SCN10A: variants seen among roughly 807,000 people sequenced by gnomAD.
SCN10A encodes sodium voltage-gated channel alpha subunit 10, also known as sodium channel protein type 10 subunit alpha.
A neutral mutation model predicts 170.7 loss-of-function variants in SCN10A; 162 were observed. The observed-to-expected ratio is 0.95, with a 90% CI of 0.84 to 1.08. SCN10A has a LOEUF of 1.08. Among genes scored for constraint, SCN10A ranks in the 50% least tolerant of loss-of-function variants. The pLI is 0.00. For synonymous variants in SCN10A, 985 were observed against 904.6 expected, an observed-to-expected ratio of 1.09 and a Z score of -1.59; for missense variants, 2,527 against 2,436.9, an observed-to-expected ratio of 1.04 and a Z score of -0.78.
chr3:38,739,066 G>C (rs1030733320), intron 15 of SCN10A, among the ~76,000 whole-genome samples: 3 of 152,014 alleles, frequency 2.0e-5, no homozygotes, highest in Non-Finnish European at 4.4e-5. Flanking sequence ...GGAGACTTTC[G>C]GGTCATCATG....
intron 21 of SCN10A, among the ~76,000 whole-genome samples, chr3:38,717,016 C>T (rs568962634): frequency 1.3e-5 from 2 of 152,174 alleles, no homozygotes; most frequent in South Asian, 4.2e-4. Flanking sequence ...TAGAAGCATG[C>T]TTGGATGGAA....
In SCN10A at chr3:38,757,047, G is replaced by A. The variant is rs1391585391; in HGVS notation, c.1063C>T (p.Gln355Ter). ...TGGTAGAGGCGTTCCCAGGAATCCT[G>A]TGTCATGAGGCGGAACAGTGAGAGG... ...AFLSLFRLMT[Q>*]DSWERLYQQT... is the part of the protein sequence containing the mutation. Residue 355 changes from glutamine (Q) to a stop codon, truncating the protein, a stop_gained, in exon 9 of 28, where the codon CAG (glutamine) becomes TAG (stop). Coordinates refer to ENST00000449082, the MANE Select transcript of SCN10A (RefSeq NM_006514.4). LOFTEE classifies it high-confidence loss of function. The A allele has an allele frequency of 1.9e-6, 3 of 1,612,778 alleles. No individual in the cohort carries two copies. Among genetic ancestry groups the A allele is most frequent in the African/African-American group, 1.3e-5 (1 of 74,870 alleles).
chr3:38,789,323 G>A (rs1190405440), intron 3 of SCN10A, among the ~76,000 whole-genome samples: 1 of 152,102 alleles, frequency 6.6e-6, no homozygotes, highest in South Asian at 2.1e-4. Context: ...CTCAGGTCAT[G>A]CAGCTAGTCA....
Position 38,750,194 on chromosome 3 carries a change from CACAA to C in SCN10A, c.1756-14_1756-11del, listed in dbSNP as rs777269612. 2.6e-5 allele frequency: 41 copies of C among 1,558,436 alleles called. No homozygotes were observed. Among genetic ancestry groups the C allele is most frequent in the Admixed American group, 6.7e-5 (4 of 59,614 alleles). On this transcript the variant is annotated splice_polypyrimidine_tract_variant and intron_variant, in intron 12 of 27. Transcript: ENST00000449082. ...GTCCTGCATCGAATGCCTGTTGAGACACAAACAGAGTCAGGACGCTCCTTTAACC... is the reference window on the plus strand; with the variant it reads ...GTCCTGCATCGAATGCCTGTTGAGACACAGAGTCAGGACGCTCCTTTAACC...
intron 21 of SCN10A, among the ~76,000 whole-genome samples, chr3:38,717,307 G>A (rs2125993393): frequency 6.6e-6 from 1 of 152,172 alleles, no homozygotes. Flanking sequence ...GAAATGTATG[G>A]AAGGAAGGAT....
intron 12 of SCN10A, among the ~76,000 whole-genome samples, chr3:38,751,181 C>A (rs958648385): frequency 6.6e-6 from 1 of 152,196 alleles, no homozygotes; most frequent in African/African-American, 2.4e-5. Flanking sequence ...GAGCTGTGAT[C>A]CTCTACTAAG....
chr3:38,800,822 T>C (rs2064366559), intron 1 of SCN10A, among the ~76,000 whole-genome samples: 1 of 152,172 alleles, frequency 6.6e-6, no homozygotes, highest in African/African-American at 2.4e-5. Flanking sequence ...ATTTCTGGGC[T>C]ACAAGAGGAC....
At chr3:38,752,905 A>G (rs1268296576) in intron 11 of SCN10A, among the ~76,000 whole-genome samples, 1 of 152,238 alleles carries the variant, frequency 6.6e-6, no homozygotes, top group Non-Finnish European at 1.5e-5. Context: ...TAAGGAGGCT[A>G]CTATGCACAC....
intron 4 of SCN10A, among the ~76,000 whole-genome samples, chr3:38,783,830 TGA>T (rs989864712): frequency 3.3e-5 from 5 of 152,078 alleles, no homozygotes; most frequent in Admixed American, 3.3e-4. Context: ...CAGCAGTGTG[TGA>T]GTTTCTGTTG....
intron 1 of SCN10A, 34 bp from the exon 2 acceptor site, chr3:38,794,076 C>T: frequency 6.8e-7 from 1 of 1,470,270 alleles, no homozygotes. Flanking sequence ...AGAGAGGTGA[C>T]AGCTTGCCCA....
At chr3:38,712,088 T>G in intron 23 of SCN10A, 73 bp downstream of exon 23, 3 of 1,483,884 alleles carry the variant, frequency 2.0e-6, no homozygotes, top group Non-Finnish European at 2.8e-6. Context: ...CATAGCATCT[T>G]CTGGGAACCT....
At chr3:38,731,741 G>T (rs546484939) in intron 15 of SCN10A, among the ~76,000 whole-genome samples, 1 of 152,290 alleles carries the variant, frequency 6.6e-6, no homozygotes, top group East Asian at 1.9e-4. Flanking sequence ...CCCCAGATTT[G>T]CATATGCAAC....
chr3:38,698,335 A>G lies in SCN10A; in HGVS notation c.4885T>C (p.Phe1629Leu). 6.2e-7 allele frequency: 1 copy of G among 1,614,044 alleles called. No homozygotes were observed. Among genetic ancestry groups the G allele is most frequent in the East Asian group, 2.2e-5 (1 of 44,876 alleles). ...FIYSIFGMSS[F>L]PHVRWEAGID... ...CCAGCCTCCCACCTCACATGGGGAAAGCTGGACATACCGAAGATAGAGTAG... is the reference window on the plus strand; with the variant it reads ...CCAGCCTCCCACCTCACATGGGGAAGGCTGGACATACCGAAGATAGAGTAG... The change falls in exon 28 of 28, where the codon TTT becomes CTT. Residue 1629 changes from phenylalanine (F) to leucine (L), a missense_variant. Phe to Leu is a conservative substitution (Grantham distance 22). Coordinates refer to ENST00000449082, the MANE Select transcript of SCN10A (RefSeq NM_006514.4).
intron 1 of SCN10A, among the ~76,000 whole-genome samples, chr3:38,807,368 G>A (rs2064410851): frequency 6.6e-6 from 1 of 152,154 alleles, no homozygotes; most frequent in Non-Finnish European, 1.5e-5. Flanking sequence ...ATCAATGCAT[G>A]TTTTTGCACT....
At chr3:38,735,160 A>G (rs1441479075) in intron 15 of SCN10A, among the ~76,000 whole-genome samples, 21 of 137,398 alleles carry the variant, frequency 1.5e-4, no homozygotes, top group African/African-American at 5.8e-4. Context: ...ACAGAGCGAG[A>G]CTCTGTCTCA....
intron 15 of SCN10A, among the ~76,000 whole-genome samples, chr3:38,737,824 C>CTTTCTTTCTTTCTTTCTT (rs1559433920): frequency 1.3e-4 from 16 of 122,500 alleles, no homozygotes. Context: ...TTCTTTCTTT[C>CTTTCTTTCTTTCTTTCTT]TTTCTTTCTC....
intron 17 of SCN10A, among the ~76,000 whole-genome samples, chr3:38,725,740 C>T (rs2063447411): frequency 6.6e-6 from 1 of 152,238 alleles, no homozygotes; most frequent in Non-Finnish European, 1.5e-5. Context: ...AACTTGGCCA[C>T]CTGGAGCTCC....
intron 5 of SCN10A, among the ~76,000 whole-genome samples, chr3:38,765,477 C>T (rs1457372281): frequency 6.6e-6 from 1 of 152,130 alleles, no homozygotes; most frequent in African/African-American, 2.4e-5. Flanking sequence ...GTGTCCTTTC[C>T]CCACTTACGT....
intron 25 of SCN10A, among the ~76,000 whole-genome samples, chr3:38,708,874 AC>A (rs2063239481): frequency 1.3e-5 from 2 of 152,242 alleles, no homozygotes; most frequent in South Asian, 2.1e-4. Flanking sequence ...GATCTCAGTT[AC>A]GCAAATCTAG....
Sources: allele counts gnomAD v4.1 joint callset (sites outside exome capture counted in the v4.1 genomes callset), GRCh38; gene constraint gnomAD v4.1.1; transcripts MANE v1.5; gene names NCBI Gene and HGNC (gene_info 2026-07-23, HGNC 2026-07-21).